RBM4B: variants seen among roughly 807,000 people sequenced by gnomAD.
RBM4B encodes the protein RNA binding motif protein 4B.
RBM4B carries 13 observed loss-of-function variants against 28.5 expected under a neutral mutation model. The observed-to-expected ratio is 0.46, with a 90% CI of 0.30 to 0.72. The LOEUF (loss-of-function observed/expected upper bound fraction) is 0.72. Among genes scored for constraint, RBM4B ranks in the 30% least tolerant of loss-of-function variants. RBM4B has a pLI of 0.09. For synonymous variants in RBM4B, 167 were observed against 179.1 expected, an observed-to-expected ratio of 0.93 and a Z score of 0.54; for missense variants, 387 against 477.6, an observed-to-expected ratio of 0.81 and a Z score of 1.77.
chr11:66,665,934 T>C lies in RBM4B; in HGVS notation c.*10-356A>G, dbSNP rs1939216016. 2 of 1,535,242 alleles carry C rather than the reference T, an allele frequency of 1.3e-6. No individual in the cohort carries two copies. The highest frequency in any genetic ancestry group is 2.4e-5 in the East Asian group (1 of 40,910). On this transcript the variant is annotated intron_variant, in intron 3 of 3. Coordinates refer to ENST00000310046, the MANE Select transcript of RBM4B (RefSeq NM_031492.4). Reference sequence around the variant, plus strand: ...TACATTTTCAAGAACTGCAATTTAATTTTGGAGTCCAGGAAAAGCAGAAGA... The same window carrying C: ...TACATTTTCAAGAACTGCAATTTAACTTTGGAGTCCAGGAAAAGCAGAAGA...
At chr11:66,673,291 A>C (rs1939528462) in intron 2 of RBM4B, among the ~76,000 whole-genome samples, 1 of 152,212 alleles carries the variant, frequency 6.6e-6, no homozygotes, top group Non-Finnish European at 1.5e-5. Flanking sequence ...TATGTGTCTA[A>C]GGAAATAAGT....
chr11:66,675,548 T>C (rs1939609078), intron 2 of RBM4B: 1 of 152,222 alleles, frequency 6.6e-6, no homozygotes, highest in Non-Finnish European at 1.5e-5. Context: ...TCTTCTCCCA[T>C]TATTTTTCTC....
At chr11:66,677,177 G>T in intron 1 of RBM4B, 86 bp from the exon 2 acceptor site, 1 of 1,484,566 alleles carries the variant, frequency 6.7e-7, no homozygotes, top group Non-Finnish European at 9.2e-7. Context: ...ATCCTCCAAA[G>T]TTCTTGCACC....
At position 66,677,071 on chromosome 11, in the gene RBM4B, C is replaced by T; in HGVS notation, c.9G>A (p.Lys3=). MV[K]LFIGNLPREA... ...CCCGGGGAAGGTTTCCGATGAACAG[C>T]TTCACCATCCTGACAAGAGCCTGGG... The change falls in exon 2 of 4, where the codon AAG becomes AAA. Residue 3 remains lysine, a synonymous_variant. Coordinates refer to ENST00000310046, the MANE Select transcript of RBM4B (RefSeq NM_031492.4). 1.2e-6 allele frequency: 2 copies of T among 1,613,514 alleles called. No individual in the cohort carries two copies. The highest frequency in any genetic ancestry group is 8.5e-7 in the Non-Finnish European group (1 of 1,179,446).
chr11:66,671,027 C>T, intron 2 of RBM4B: 1 of 702,572 alleles, frequency 1.4e-6, no homozygotes, highest in Non-Finnish European at 2.6e-6. Flanking sequence ...AGAACAGTGC[C>T]ATGCACTGAC....
intron 1 of RBM4B, 101 bp from the exon 2 acceptor site, chr11:66,677,192 A>G (rs1056280714): frequency 1.5e-6 from 2 of 1,375,438 alleles, no homozygotes; most frequent in Non-Finnish European, 2.0e-6. Flanking sequence ...TGCACCTTCA[A>G]GACCCTCGTA....
chr11:66,676,628 A>G (rs753336665), intron 2 of RBM4B, 40 bp downstream of exon 2: 1 of 1,604,106 alleles, frequency 6.2e-7, no homozygotes, highest in Admixed American at 1.7e-5. Flanking sequence ...TTTGAGCTAG[A>G]CCCCACTCGG....
At chr11:66,666,017 T>C in intron 3 of RBM4B, 1 of 1,411,008 alleles carries the variant, frequency 7.1e-7, no homozygotes. Flanking sequence ...GTTTTAATCT[T>C]TCACAGTAAA....
chr11:66,671,069 T>C (rs1939448513), intron 2 of RBM4B: 1 of 699,642 alleles, frequency 1.4e-6, no homozygotes, highest in Admixed American at 2.0e-5. Context: ...TGTGGCAATA[T>C]CACTTTAGTC....
chr11:66,668,930 A>T lies in RBM4B; in HGVS notation c.774T>A (p.Thr258=), dbSNP rs1460581414. The T allele has an allele frequency of 1.9e-6, 3 of 1,614,162 alleles. No individual in the cohort carries two copies. The Admixed American group carries it at 5.0e-5, about 27-fold the overall frequency. The change falls in exon 3 of 4, where the codon ACT becomes ACA. Residue 258 remains threonine (T), a synonymous_variant. Transcript: ENST00000310046. ...MSHLPQVQST[T]VTSHLNSTSV... ...AAGTAGAGTTGAGGTGGCTGGTCAC[A>T]GTTGTGCTTTGGACTTGAGGCAGAT...
At chr11:66,672,080 A>G (rs1366511255) in intron 2 of RBM4B, among the ~76,000 whole-genome samples, 1 of 152,008 alleles carries the variant, frequency 6.6e-6, no homozygotes, top group Non-Finnish European at 1.5e-5. Context: ...AAAATCTATA[A>G]TAGGGGTGAC....
At chr11:66,677,655 C>A (rs1306691319) in intron 1 of RBM4B, 109 bp downstream of exon 1, 1 of 154,592 alleles carries the variant, frequency 6.5e-6, no homozygotes, top group African/African-American at 2.4e-5. Context: ...TCTTCCCAGA[C>A]CTCCCGCTGC....
At position 66,669,145 on chromosome 11, in the gene RBM4B, T is replaced by C. The variant is rs756844438; in HGVS notation, c.559A>G (p.Thr187Ala). 6.2e-7 allele frequency: 1 copy of C among 1,614,178 alleles called. No individual in the cohort carries two copies. The highest frequency in any genetic ancestry group is 1.1e-5 in the South Asian group (1 of 91,080). Residue 187 changes from threonine to alanine, a missense_variant, in exon 3 of 4, where the codon ACT (threonine) becomes GCT (alanine). Around this residue, in one of 2 missense-constraint regions of RBM4B, gnomAD observed 161 missense variants for 256.9 expected, o/e 0.63. Coordinates refer to ENST00000310046, the MANE Select transcript of RBM4B (RefSeq NM_031492.4). The part of the protein sequence containing the change: ...VDRTGRVADF[T>A]EQYNEQYGAV... ...CCATATTGTTCATTATACTGCTCAG[T>C]AAAGTCTGCCACACGACCCGTACGA...
At chr11:66,677,182 T>G (rs758713296) in intron 1 of RBM4B, 91 bp from the exon 2 acceptor site, 88 of 1,466,098 alleles carry the variant, frequency 6.0e-5, no homozygotes, top group Middle Eastern at 5.4e-4. Context: ...CCAAAGTTCT[T>G]GCACCTTCAA....
chr11:66,665,598 A>G lies in RBM4B; in HGVS notation c.*10-20T>C, dbSNP rs1484734961. 1.3e-6 allele frequency: 2 copies of G among 1,535,854 alleles called. No individual in the cohort carries two copies. Among genetic ancestry groups the G allele is most frequent in the Non-Finnish European group, 1.7e-6 (2 of 1,146,882 alleles). On this transcript the variant is annotated intron_variant, in intron 3 of 3. Coordinates refer to ENST00000310046, the MANE Select transcript of RBM4B (RefSeq NM_031492.4). ...TCCTACCTGAAAGAGAGCACAACAC[A>G]AGAGGCTTACACAATGCCTGGAGAG...
intron 3 of RBM4B, chr11:66,666,212 T>C: frequency 1.2e-6 from 1 of 867,892 alleles, no homozygotes; most frequent in Non-Finnish European, 1.5e-6. Flanking sequence ...TCTCTAATCC[T>C]TCTATTGATG....
At chr11:66,676,320 A>C in intron 2 of RBM4B, 1 of 438,122 alleles carries the variant, frequency 2.3e-6, no homozygotes. Flanking sequence ...ATCACCAAAG[A>C]AGCAGGTAAG....
intron 2 of RBM4B, chr11:66,670,932 A>G (rs1314976567): frequency 2.8e-6 from 2 of 702,530 alleles, no homozygotes; most frequent in African/African-American, 3.5e-5. Flanking sequence ...TCTCTTTAAC[A>G]GACCTTCTTC....
intron 2 of RBM4B, among the ~76,000 whole-genome samples, chr11:66,672,772 C>T (rs868151268): frequency 2.6e-5 from 4 of 152,290 alleles, no homozygotes; most frequent in Middle Eastern, 6.8e-3. Flanking sequence ...GCTGGGATTA[C>T]AGGCATGAGC....
Sources: gnomAD v4.1 joint callset for allele counts (sites outside exome capture counted in the v4.1 genomes callset) on GRCh38, gnomAD v4.1.1 for gene constraint, gnomAD v4.1.1 regional missense constraint, MANE v1.5 for transcripts, NCBI Gene and HGNC (gene_info 2026-07-23, HGNC 2026-07-21) for gene names.